CENPP: variants seen among roughly 807,000 people sequenced by gnomAD.
CENPP encodes centromere protein P.
A neutral mutation model predicts 35.6 loss-of-function variants in CENPP; 24 were observed. The ratio of observed to expected loss-of-function variants is 0.67; its 90% confidence interval spans 0.49 to 0.95. CENPP has a LOEUF of 0.95. CENPP is among the 40% of genes least tolerant of loss of function. CENPP has a pLI of 0.00. For synonymous variants in CENPP, 120 were observed against 125.5 expected (o/e 0.96, Z 0.29); for missense variants, 332 against 345.3 (o/e 0.96, Z 0.31).
intron 5 of CENPP, among the ~76,000 whole-genome samples, chr9:92,423,201 C>T (rs1483048183): frequency 2.0e-5 from 3 of 152,062 alleles, no homozygotes; most frequent in Non-Finnish European, 4.4e-5. Flanking sequence ...TCCTCACTTT[C>T]CTAGTACATC....
At chr9:92,364,303 G>T (rs1378199057) in intron 4 of CENPP, among the ~76,000 whole-genome samples, 1 of 152,166 alleles carries the variant, frequency 6.6e-6, no homozygotes, top group Non-Finnish European at 1.5e-5. Context: ...AAAGTGCTGG[G>T]ATTACAGATG....
intron 3 of CENPP, chr9:92,340,133 G>A (rs1280673378): frequency 4.6e-5 from 7 of 153,596 alleles, no homozygotes; most frequent in African/African-American, 1.7e-4. Context: ...TTTTTCTACT[G>A]TAAGAGTTCA....
intron 5 of CENPP, among the ~76,000 whole-genome samples, chr9:92,434,869 T>G (rs1588127740): frequency 6.6e-6 from 1 of 152,214 alleles, no homozygotes; most frequent in South Asian, 2.1e-4. Flanking sequence ...CGGGCCGACA[T>G]GGCGAAACCC....
At chr9:92,548,556 A>T (rs1849522273) in intron 5 of CENPP, among the ~76,000 whole-genome samples, 1 of 152,254 alleles carries the variant, frequency 6.6e-6, no homozygotes, top group African/African-American at 2.4e-5. Context: ...AATAAAAACA[A>T]GTTATACTGC....
chr9:92,575,931 A>G (rs183557995), intron 5 of CENPP, among the ~76,000 whole-genome samples: 1 of 152,350 alleles, frequency 6.6e-6, no homozygotes, highest in Non-Finnish European at 1.5e-5. Flanking sequence ...TACAGCTGCT[A>G]TAGAAAACAG....
At chr9:92,406,994 A>G (rs537073742) in intron 5 of CENPP, among the ~76,000 whole-genome samples, 2 of 152,272 alleles carry the variant, frequency 1.3e-5, no homozygotes, top group South Asian at 4.1e-4. Context: ...TATACTCATG[A>G]TTATGGTTTA....
chr9:92,341,265 C>T (rs891360492), intron 3 of CENPP, among the ~76,000 whole-genome samples: 3 of 152,156 alleles, frequency 2.0e-5, no homozygotes, highest in Admixed American at 2.0e-4. Context: ...ATTTTAATTT[C>T]GCCTTGGTCC....
At chr9:92,402,277 T>C (rs1283205801) in intron 5 of CENPP, among the ~76,000 whole-genome samples, 1 of 152,180 alleles carries the variant, frequency 6.6e-6, no homozygotes, top group Non-Finnish European at 1.5e-5. Flanking sequence ...ATTAAAAGCA[T>C]TAACTGAAAG....
chr9:92,591,487 T>C (rs937476244), intron 5 of CENPP, among the ~76,000 whole-genome samples: 2 of 151,634 alleles, frequency 1.3e-5, no homozygotes, highest in African/African-American at 4.8e-5. Context: ...TTGGAAGATA[T>C]GCCCTTGTGT....
At chr9:92,545,101 C>T (rs962331265) in intron 5 of CENPP, among the ~76,000 whole-genome samples, 10 of 152,204 alleles carry the variant, frequency 6.6e-5, no homozygotes, top group South Asian at 2.1e-4. Flanking sequence ...TCGCAGCCCT[C>T]GCTCGCTCTT....
chr9:92,587,947 G>A (rs769847178), intron 5 of CENPP, among the ~76,000 whole-genome samples: 15 of 152,002 alleles, frequency 9.9e-5, no homozygotes, highest in South Asian at 2.1e-4. Context: ...CCAACATGGC[G>A]AAACCCGTCT....
At chr9:92,578,478 T>G (rs10992376) in intron 5 of CENPP, among the ~76,000 whole-genome samples, 26,700 of 151,916 alleles carry the variant, frequency 0.18, 3,380 homozygotes, top group East Asian at 0.65. Context: ...CCTGACTTTT[T>G]AATGACTGCC....
At chr9:92,486,938 C>T (rs541776005) in intron 5 of CENPP, among the ~76,000 whole-genome samples, 11 of 152,128 alleles carry the variant, frequency 7.2e-5, no homozygotes, top group South Asian at 2.1e-4. Flanking sequence ...CAGGCCACCA[C>T]GCCTGGCTAA....
In CENPP at chr9:92,379,842, A is replaced by G. The variant is rs1588074062; in HGVS notation, c.547A>G (p.Thr183Ala). The change falls in exon 5 of 8, where the codon ACG becomes GCG. Residue 183 changes from threonine (T) to alanine (A), a missense_variant. Thr to Ala is a moderately conservative substitution (Grantham distance 58, BLOSUM62 0). Coordinates refer to ENST00000375587, the MANE Select transcript of CENPP (RefSeq NM_001012267.3). ...FVEWFEYRKRTFKHLKEKYPD... is the reference protein window; with the variant it reads ...FVEWFEYRKRAFKHLKEKYPD... ...GGAGTGGTTTGAATATCGTAAGCGCACGTTTAAACATCTCAAGGTAAAGTC... is the reference window on the plus strand; with the variant it reads ...GGAGTGGTTTGAATATCGTAAGCGCGCGTTTAAACATCTCAAGGTAAAGTC... 6.2e-7 allele frequency: 1 copy of G among 1,609,170 alleles called. No homozygotes were observed. Among genetic ancestry groups the G allele is most frequent in the East Asian group, 2.2e-5 (1 of 44,810 alleles).
At chr9:92,365,650 A>G (rs1449244007) in intron 4 of CENPP, among the ~76,000 whole-genome samples, 1 of 151,536 alleles carries the variant, frequency 6.6e-6, no homozygotes, top group Non-Finnish European at 1.5e-5. Flanking sequence ...ACCTTAGGTG[A>G]TCCACCCGTC....
chr9:92,385,546 A>T, intron 5 of CENPP: 1 of 1,276,532 alleles, frequency 7.8e-7, no homozygotes, highest in Non-Finnish European at 1.1e-6. Context: ...ACCAATACTT[A>T]AGTTCCTTTA....
At chr9:92,446,709 C>G (rs1844559908) in intron 5 of CENPP, among the ~76,000 whole-genome samples, 1 of 150,420 alleles carries the variant, frequency 6.6e-6, no homozygotes, top group Non-Finnish European at 1.5e-5. Context: ...AGAGAGGATG[C>G]AAAGATGACT....
intron 4 of CENPP, among the ~76,000 whole-genome samples, chr9:92,358,781 T>C (rs557427968): frequency 6.6e-6 from 1 of 152,184 alleles, no homozygotes; most frequent in East Asian, 1.9e-4. Context: ...TGTGTTCCTG[T>C]ATCATTTTCT....
intron 5 of CENPP, among the ~76,000 whole-genome samples, chr9:92,590,494 G>A (rs1850640216): frequency 6.6e-6 from 1 of 152,202 alleles, no homozygotes; most frequent in Non-Finnish European, 1.5e-5. Flanking sequence ...TTGTCTTTAA[G>A]AAAGAAGCTG....
Sources: allele counts gnomAD v4.1 joint callset (sites outside exome capture counted in the v4.1 genomes callset), GRCh38; gene constraint gnomAD v4.1.1; transcripts MANE v1.5; gene names NCBI Gene and HGNC (gene_info 2026-07-23, HGNC 2026-07-21).